The following FXR1 variants were observed in gnomAD, a reference collection of about 807,000 sequenced individuals.
FXR1 encodes RNA-binding protein FXR1.
A neutral mutation model predicts 84.0 loss-of-function variants in FXR1; 15 were observed. The ratio of observed to expected loss-of-function variants is 0.18; its 90% CI spans 0.12 to 0.27. The LOEUF is 0.27. Among genes scored for constraint, FXR1 ranks in the 10% least tolerant of loss-of-function variants. The pLI is 1.00. For missense variants in FXR1, 480 were observed against 774.4 expected (o/e 0.62, Z 4.51); for synonymous variants, 245 against 250.7 (o/e 0.98, Z 0.21).
Position 180,982,023 on chromosome 3 carries a change from A to G in FXR1, c.*5731A>G, listed in dbSNP as rs184439182. ...AGTACTAGACTCACATCTCAGTACT[A>G]TCAAGGAAAACATGCTTAGGTTATC... On this transcript the variant is annotated 3_prime_UTR_variant, in exon 17 of 17. Transcript: ENST00000357559. The G allele has an allele frequency of 6.6e-5, 10 of 152,222 alleles. No homozygotes were observed. In the East Asian group the frequency reaches 1.9e-3, roughly 29 times the overall value. The allele number at this position is 152,222 out of a possible 1,614,324, so 9.4% of individuals were successfully genotyped here. A position where few individuals can be genotyped will look rare whatever the true frequency, so the allele number is the denominator to read the frequency against.
intron 10 of FXR1, among the ~76,000 whole-genome samples, chr3:180,960,200 C>T (rs1711920656): frequency 6.6e-6 from 1 of 152,122 alleles, no homozygotes; most frequent in Non-Finnish European, 1.5e-5. Flanking sequence ...CAAGTCTGGC[C>T]TAATACTTTG....
intron 1 of FXR1, among the ~76,000 whole-genome samples, chr3:180,921,851 C>T (rs1718633394): frequency 6.6e-6 from 1 of 151,822 alleles, no homozygotes; most frequent in Non-Finnish European, 1.5e-5. Context: ...CCTGGTTGCT[C>T]TTCACCACCT....
At chr3:180,953,069 T>C (rs1722393401) in intron 8 of FXR1, among the ~76,000 whole-genome samples, 1 of 152,084 alleles carries the variant, frequency 6.6e-6, no homozygotes, top group African/African-American at 2.4e-5. Context: ...TCTCAAACTC[T>C]TGGCCTTAAA....
intron 1 of FXR1, among the ~76,000 whole-genome samples, chr3:180,914,010 T>G (rs1717573387): frequency 2.0e-5 from 3 of 152,222 alleles, no homozygotes; most frequent in African/African-American, 7.2e-5. Flanking sequence ...GGTTTAACTG[T>G]CACGTGGTAC....
Position 180,952,451 on chromosome 3 carries a change from G to A in FXR1, c.801+983G>A, listed in dbSNP as rs541915909. Among the ~76,000 whole-genome samples, 35 of 152,216 alleles carry A rather than the reference G, an allele frequency of 2.3e-4. 1 individual carries two copies. The Middle Eastern group carries it at 0.01, about 44-fold the overall frequency. The stretch of plus-strand genomic sequence containing the variant: ...TCACGTCTGTAACCCCAGCAAGTTT[G>A]GATGCTGAAGCAGGAAGATCACTTG... On this transcript the variant is annotated intron_variant, in intron 8 of 16. Coordinates refer to ENST00000357559, the MANE Select transcript of FXR1 (RefSeq NM_005087.4).
intron 3 of FXR1, among the ~76,000 whole-genome samples, chr3:180,939,186 G>A (rs112733105): frequency 3.3e-5 from 5 of 152,050 alleles, no homozygotes; most frequent in African/African-American, 7.3e-5. Flanking sequence ...GAGACACTGC[G>A]CAGGCTTACT....
chr3:180,918,029 C>T (rs1718116682), intron 1 of FXR1, among the ~76,000 whole-genome samples: 1 of 149,670 alleles, frequency 6.7e-6, no homozygotes, highest in Non-Finnish European at 1.5e-5. Context: ...AAGAGCAACA[C>T]ATAATTACGA....
intron 3 of FXR1, among the ~76,000 whole-genome samples, 166 bp downstream of exon 3, chr3:180,935,397 T>G (rs959531261): frequency 6.6e-6 from 1 of 152,194 alleles, no homozygotes; most frequent in African/African-American, 2.4e-5. Context: ...GTTTTGGAGT[T>G]AGAATCGGTC....
chr3:180,967,293 T>G (rs191293423), intron 13 of FXR1, among the ~76,000 whole-genome samples: 2 of 152,182 alleles, frequency 1.3e-5, no homozygotes, highest in African/African-American at 4.8e-5. Context: ...ACTGGAAAAA[T>G]TACTTCTAGC....
At chr3:180,947,432 G>C (rs1473442437) in intron 3 of FXR1, among the ~76,000 whole-genome samples, 6 of 152,136 alleles carry the variant, frequency 3.9e-5, no homozygotes, top group Admixed American at 3.3e-4. Flanking sequence ...AACAATTTTA[G>C]TACATTTGAT....
chr3:180,972,432 G>A (rs942282427), intron 15 of FXR1, among the ~76,000 whole-genome samples: 65 of 152,290 alleles, frequency 4.3e-4, no homozygotes, highest in Non-Finnish European at 3.1e-4. Context: ...CGCTAGCCTG[G>A]GTGACAGTGA....
chr3:180,932,123 C>T (rs1490968693), intron 1 of FXR1, among the ~76,000 whole-genome samples: 1 of 143,516 alleles, frequency 7.0e-6, no homozygotes, highest in East Asian at 2.1e-4. Flanking sequence ...TGCCTTTTCC[C>T]TTTATTCTCT....
In FXR1 at chr3:180,972,598, A is replaced by G. The variant is rs566550927; in HGVS notation, c.1603+2240A>G. Among the ~76,000 whole-genome samples, 28 of 152,328 alleles carry G rather than the reference A, an allele frequency of 1.8e-4. No individual in the cohort carries two copies. In the South Asian group the frequency reaches 5.6e-3, roughly 30 times the overall value. ...ATATATTACAACATTTATTAACTAG[A>G]TGTATGGTGGTTTATTACCAAGTCA... On this transcript the variant is annotated intron_variant, in intron 15 of 16. Transcript: ENST00000357559.
chr3:180,957,566 G>C (rs1012479681), intron 9 of FXR1: 12 of 330,864 alleles, frequency 3.6e-5, no homozygotes, highest in African/African-American at 2.3e-4. Flanking sequence ...TCTAGATTTT[G>C]AGAATTCCTT....
At position 180,935,233 on chromosome 3, in the gene FXR1, T is replaced by A; in HGVS notation, c.198+2T>A. 2 of 1,199,914 alleles carry A rather than the reference T, an allele frequency of 1.7e-6. No homozygotes were observed. Among genetic ancestry groups the A allele is most frequent in the Non-Finnish European group, 2.5e-6 (2 of 808,820 alleles). 74.3% of individuals were successfully genotyped at this position (1,199,914 alleles called of 1,614,324 possible). A position where few individuals can be genotyped will look rare whatever the true frequency, so the allele number is the denominator to read the frequency against. On this transcript the variant is annotated splice_donor_variant, in intron 3 of 16. Coordinates refer to ENST00000357559, the MANE Select transcript of FXR1 (RefSeq NM_005087.4). LOFTEE classifies it high-confidence loss of function. ...ATTAGTGAAGGAGATGAAGTAGAGGTATGTATTTTTAAGTTTATTTTCTTG... is the reference window on the plus strand; with the variant it reads ...ATTAGTGAAGGAGATGAAGTAGAGGAATGTATTTTTAAGTTTATTTTCTTG...
chr3:180,970,383 A>AATAT (rs56345724), intron 15 of FXR1, 25 bp downstream of exon 15: 5,251 of 367,912 alleles, frequency 0.014, 157 homozygotes, highest in African/African-American at 0.04. Flanking sequence ...AGGGAAGAGA[A>AATAT]ATATATATAT....
At position 180,935,319 on chromosome 3, in the gene FXR1, AT is replaced by A. The variant is rs1720397521; in HGVS notation, c.198+89del. 9.1e-6 allele frequency: 6 copies of A among 655,840 alleles called. No homozygotes were observed. The South Asian group carries it at 1.1e-4, about 12-fold the overall frequency. 40.6% of individuals were successfully genotyped at this position (655,840 alleles called of 1,614,324 possible). ...GGAGAATTAGCTTAGTTGATGGAGG[AT>A]AAATCTAATTCATTTTCTCTATTCT... is the stretch of plus-strand genomic sequence containing the variant. On this transcript the variant is annotated intron_variant, in intron 3 of 16. Coordinates refer to ENST00000357559, the MANE Select transcript of FXR1 (RefSeq NM_005087.4).
intron 1 of FXR1, among the ~76,000 whole-genome samples, chr3:180,913,640 C>T (rs2108411948): frequency 6.6e-6 from 1 of 152,262 alleles, no homozygotes; most frequent in Non-Finnish European, 1.5e-5. Context: ...GTGGGGCATT[C>T]AGCGTTCACA....
intron 3 of FXR1, among the ~76,000 whole-genome samples, chr3:180,942,449 T>C (rs1045159427): frequency 6.7e-6 from 1 of 149,890 alleles, no homozygotes; most frequent in South Asian, 2.1e-4. Flanking sequence ...AATTGATGAC[T>C]TTAGGATCCA....
Sources: allele counts gnomAD v4.1 joint callset (sites outside exome capture counted in the v4.1 genomes callset), GRCh38; gene constraint gnomAD v4.1.1; transcripts MANE v1.5; gene names NCBI Gene and HGNC (gene_info 2026-07-23, HGNC 2026-07-21).